AHCYL2: variants seen among roughly 807,000 people sequenced by gnomAD.
The protein encoded by AHCYL2 is adenosylhomocysteinase like 2.
Under a neutral mutation model 81.4 loss-of-function variants are expected in AHCYL2, and 28 were observed. That is an observed-to-expected ratio of 0.34 (90% CI 0.25 to 0.47). The LOEUF is 0.47. Among genes scored for constraint, AHCYL2 ranks in the 20% least tolerant of loss-of-function variants. The pLI is 1.00. For synonymous variants in AHCYL2, 272 were observed against 290.2 expected (o/e 0.94, Z 0.64); for missense variants, 551 against 785.1 (o/e 0.70, Z 3.56).
intron 1 of AHCYL2, among the ~76,000 whole-genome samples, chr7:129,321,432 T>C (rs1474341837): frequency 6.6e-6 from 1 of 152,208 alleles, no homozygotes; most frequent in African/African-American, 2.4e-5. Flanking sequence ...ATGGTTTTTC[T>C]TTTTTAGTTT....
At chr7:129,423,629 C>T (rs1797219865) in intron 13 of AHCYL2, among the ~76,000 whole-genome samples, 1 of 152,012 alleles carries the variant, frequency 6.6e-6, no homozygotes, top group Admixed American at 6.6e-5. Flanking sequence ...AGAAAGATAC[C>T]AAAATATCAA....
intron 1 of AHCYL2, among the ~76,000 whole-genome samples, chr7:129,324,813 C>A (rs1237236108): frequency 1.3e-5 from 2 of 152,212 alleles, no homozygotes; most frequent in Non-Finnish European, 2.9e-5. Flanking sequence ...CTGTGCCCGG[C>A]CTGGCTTATT....
At chr7:129,401,143 G>A (rs1796010994) in intron 6 of AHCYL2, among the ~76,000 whole-genome samples, 1 of 152,048 alleles carries the variant, frequency 6.6e-6, no homozygotes, top group Non-Finnish European at 1.5e-5. Context: ...GGGCAACATA[G>A]GCTTTCTACA....
rs576270764 is a variant in AHCYL2, at chr7:129,294,092, T to G, written c.363+68653T>G. On this transcript the variant is annotated intron_variant, in intron 1 of 16. Transcript: ENST00000325006. ...TAGAAAAAGAAACATTCTTCTCTTC[T>G]TTATTGGGAGACTGAAAGGTGTATT... Among the ~76,000 whole-genome samples the G allele has an allele frequency of 2.0e-5, 3 of 152,356 alleles. No individual in the cohort carries two copies. In the South Asian group the frequency reaches 6.2e-4, roughly 32 times the overall value.
Position 129,426,851 on chromosome 7 carries a change from A to G in AHCYL2, c.1830-188A>G, listed in dbSNP as rs1194820642. Among the ~76,000 whole-genome samples, 1 of 151,540 alleles carries G rather than the reference A, an allele frequency of 6.6e-6. No homozygotes were observed. Among genetic ancestry groups the G allele is most frequent in the Non-Finnish European group, 1.5e-5 (1 of 67,886 alleles). On this transcript the variant is annotated intron_variant, in intron 16 of 16. Transcript: ENST00000325006. The surrounding 1 kb of genome is among the most constrained non-coding windows in gnomAD (Gnocchi z 4.3). The stretch of plus-strand genomic sequence containing the variant: ...TTCCCCATTTCATCTTGTTGCTATG[A>G]TTTTTATCTCTTTATGGAGAAATAT...
intron 1 of AHCYL2, among the ~76,000 whole-genome samples, chr7:129,231,338 A>G (rs1338277116): frequency 6.6e-6 from 1 of 152,160 alleles, no homozygotes. Flanking sequence ...TACTAGTACT[A>G]CCTACATTCT....
intron 12 of AHCYL2, among the ~76,000 whole-genome samples, chr7:129,415,046 G>GTGGT (rs1796778639): frequency 6.6e-6 from 1 of 152,212 alleles, no homozygotes; most frequent in African/African-American, 2.4e-5. Flanking sequence ...GGGTGTCTGA[G>GTGGT]TGGTATGGCC....
At chr7:129,373,349 G>C (rs560245906) in intron 1 of AHCYL2, among the ~76,000 whole-genome samples, 1 of 152,196 alleles carries the variant, frequency 6.6e-6, no homozygotes, top group Admixed American at 6.5e-5. Flanking sequence ...ATCGAGACCA[G>C]CCTGGCTAAC....
chr7:129,415,794 TAAAAA>T (rs932866149), intron 12 of AHCYL2, among the ~76,000 whole-genome samples: 3 of 150,426 alleles, frequency 2.0e-5, no homozygotes, highest in Admixed American at 2.0e-4. Flanking sequence ...CTATAAAAAA[TAAAAA>T]AAAACAAAAT....
chr7:129,391,986 T>C (rs1166344081), intron 4 of AHCYL2, among the ~76,000 whole-genome samples: 1 of 152,222 alleles, frequency 6.6e-6, no homozygotes, highest in Non-Finnish European at 1.5e-5. Context: ...GAGACTTCAG[T>C]GTGGTAGCTT....
intron 1 of AHCYL2, among the ~76,000 whole-genome samples, chr7:129,284,717 C>T (rs1440194017): frequency 6.6e-6 from 1 of 151,778 alleles, no homozygotes; most frequent in Non-Finnish European, 1.5e-5. Context: ...TAGCTTGTGA[C>T]TTTCACTCCT....
At chr7:129,309,210 C>T (rs966095770) in intron 1 of AHCYL2, among the ~76,000 whole-genome samples, 6 of 151,834 alleles carry the variant, frequency 4.0e-5, no homozygotes, top group South Asian at 2.1e-4. Context: ...CTAGCCTGGG[C>T]GACAGAGCAA....
At chr7:129,307,202 T>C (rs761459761) in intron 1 of AHCYL2, among the ~76,000 whole-genome samples, 5 of 152,192 alleles carry the variant, frequency 3.3e-5, no homozygotes, top group African/African-American at 7.2e-5. Context: ...CAAGTTCCCT[T>C]GGGCCCTGGG....
Position 129,406,576 on chromosome 7 carries a change from C to A in AHCYL2, c.1295+110C>A. On this transcript the variant is annotated intron_variant, in intron 10 of 16. Transcript: ENST00000325006. This position sits in a 1 kb window ranked among gnomAD's most constrained non-coding sequence, Gnocchi z 4.3. ...GGAGCCCAGATCCTCAGAGATGCTG[C>A]CACTAACTCTAAGCATCTGTCTTTT... 1.0e-6 allele frequency: 1 copy of A among 1,004,518 alleles called. No homozygotes were observed. The highest frequency in any genetic ancestry group is 1.3e-5 in the South Asian group (1 of 74,284). 62.2% of individuals were successfully genotyped at this position (1,004,518 alleles called of 1,614,324 possible).
chr7:129,371,665 T>G, intron 1 of AHCYL2, among the ~76,000 whole-genome samples: 1 of 152,242 alleles, frequency 6.6e-6, no homozygotes, highest in Middle Eastern at 3.2e-3. Flanking sequence ...CTTCTGGTAG[T>G]AACCTCGACT....
At chr7:129,322,306 AT>A (rs1403883206) in intron 1 of AHCYL2, among the ~76,000 whole-genome samples, 2 of 150,964 alleles carry the variant, frequency 1.3e-5, no homozygotes, top group Non-Finnish European at 2.9e-5. Flanking sequence ...TGTCTGGCTA[AT>A]TTTTGTATTT....
chr7:129,311,905 C>T (rs1039421724), intron 1 of AHCYL2, among the ~76,000 whole-genome samples: 6 of 152,218 alleles, frequency 3.9e-5, no homozygotes, highest in East Asian at 1.9e-4. Flanking sequence ...TGAAAGGCAA[C>T]GGCCTTAAAA....
At chr7:129,375,987 G>A (rs1387797667) in intron 1 of AHCYL2, 14 of 1,527,562 alleles carry the variant, frequency 9.2e-6, no homozygotes, top group African/African-American at 6.9e-5. Flanking sequence ...GTAAAAGGCC[G>A]ACTGCTTATA....
intron 1 of AHCYL2, among the ~76,000 whole-genome samples, chr7:129,279,719 T>A (rs13240723): frequency 0.93 from 141,345 of 152,254 alleles, 66,519 homozygotes; most frequent in East Asian, 1. Context: ...GGTGGATTAT[T>A]CATTCATGAG....
Sources: gnomAD v4.1 joint callset for allele counts (sites outside exome capture counted in the v4.1 genomes callset) on GRCh38, gnomAD v4.1.1 for gene constraint, Gnocchi (gnomAD v3.1) non-coding constraint, MANE v1.5 for transcripts, NCBI Gene and HGNC (gene_info 2026-07-23, HGNC 2026-07-21) for gene names.